The following KCNMA1 variants were observed in gnomAD, a reference collection of about 807,000 sequenced individuals.
KCNMA1 encodes the protein potassium calcium-activated channel subfamily M alpha 1.
KCNMA1 carries 29 observed loss-of-function variants against 140.0 expected under a neutral mutation model. The observed-to-expected ratio is 0.21, with a 90% CI of 0.15 to 0.28. The LOEUF (loss-of-function observed/expected upper bound fraction) is 0.28. KCNMA1 is among the 10% of genes least tolerant of loss of function. The probability of loss-of-function intolerance (pLI) is 1.00; values close to 1 mark genes in which losing one functional copy is unlikely to be tolerated. For synonymous variants in KCNMA1, 612 were observed against 611.9 expected (o/e 1.00, Z 0.00); for missense variants, 880 against 1,602.2 (o/e 0.55, Z 7.70).
chr10:77,096,549 T>C (rs542968655), intron 9 of KCNMA1, among the ~76,000 whole-genome samples: 4 of 152,324 alleles, frequency 2.6e-5, no homozygotes, highest in Non-Finnish European at 5.9e-5. Context: ...GATCTTTCTT[T>C]AGCAGAGCCT....
chr10:76,914,030 G>T, intron 24 of KCNMA1: 1 of 1,488,320 alleles, frequency 6.7e-7, no homozygotes, highest in Non-Finnish European at 9.2e-7. Flanking sequence ...AGGAGATACT[G>T]ATGTGAAGGA....
At chr10:77,165,752 T>C (rs1478948515) in intron 5 of KCNMA1, among the ~76,000 whole-genome samples, 1 of 152,224 alleles carries the variant, frequency 6.6e-6, no homozygotes, top group African/African-American at 2.4e-5. Flanking sequence ...GACATTTGTC[T>C]TCTTCAGTCT....
At chr10:77,383,026 ATATT>A (rs200702676) in intron 2 of KCNMA1, among the ~76,000 whole-genome samples, 3,021 of 120,452 alleles carry the variant, frequency 0.025, 22 homozygotes, top group East Asian at 0.032. Context: ...ATATATATAT[ATATT>A]CCAAGTGGAG....
intron 19 of KCNMA1, chr10:76,995,754 A>T (rs1371217097): frequency 2.2e-6 from 1 of 463,312 alleles, no homozygotes; most frequent in African/African-American, 2.0e-5. Flanking sequence ...GTCACCTTGC[A>T]TAAGGGCCTC....
intron 2 of KCNMA1, among the ~76,000 whole-genome samples, chr10:77,389,302 A>G (rs1338953652): frequency 1.3e-5 from 2 of 152,112 alleles, no homozygotes; most frequent in Non-Finnish European, 2.9e-5. Flanking sequence ...TGGCCACAGT[A>G]ATGTTTCCTC....
At chr10:77,003,598 G>A (rs189629612) in intron 18 of KCNMA1, among the ~76,000 whole-genome samples, 18 of 152,192 alleles carry the variant, frequency 1.2e-4, no homozygotes, top group Non-Finnish European at 1.5e-4. Context: ...TTGCTTCACC[G>A]TAGATAAATC....
At chr10:77,431,737 C>G (rs1371626522) in intron 1 of KCNMA1, among the ~76,000 whole-genome samples, 3 of 148,466 alleles carry the variant, frequency 2.0e-5, no homozygotes, top group African/African-American at 7.5e-5. Context: ...GTGGCTCACG[C>G]CTGTAATCCC....
intron 1 of KCNMA1, among the ~76,000 whole-genome samples, chr10:77,448,097 A>G (rs2097562087): frequency 6.6e-6 from 1 of 152,174 alleles, no homozygotes; most frequent in South Asian, 2.1e-4. Context: ...AGTTCTCAGA[A>G]ATAGATATCC....
chr10:77,090,684 G>T (rs1271298775), intron 9 of KCNMA1, 174 bp from the exon 10 acceptor site: 4 of 627,944 alleles, frequency 6.4e-6, no homozygotes, highest in Non-Finnish European at 1.1e-5. Context: ...AAGCAGCGGT[G>T]CTAGCAGGTG....
At chr10:77,476,108 T>A (rs2098272318) in intron 1 of KCNMA1, among the ~76,000 whole-genome samples, 1 of 152,190 alleles carries the variant, frequency 6.6e-6, no homozygotes, top group Non-Finnish European at 1.5e-5. Flanking sequence ...CCAGCGACTT[T>A]GAGCAGGAGA....
chr10:77,134,097 A>C (rs1441170596), intron 5 of KCNMA1, among the ~76,000 whole-genome samples: 3 of 152,144 alleles, frequency 2.0e-5, no homozygotes, highest in Non-Finnish European at 4.4e-5. Flanking sequence ...TTAAAAATTA[A>C]ATATAGATAA....
intron 1 of KCNMA1, among the ~76,000 whole-genome samples, chr10:77,454,200 G>GA (rs1228049819): frequency 6.6e-6 from 1 of 152,044 alleles, no homozygotes; most frequent in African/African-American, 2.4e-5. Context: ...AACCCATAAT[G>GA]AAAAAATAGT....
intron 23 of KCNMA1, among the ~76,000 whole-genome samples, chr10:76,931,819 C>T (rs988387046): frequency 1.1e-4 from 17 of 152,158 alleles, no homozygotes; most frequent in Admixed American, 6.6e-5. Flanking sequence ...TGTTAGTCTA[C>T]CTTACCTGGT....
At chr10:77,229,956 T>C (rs1407415673) in intron 3 of KCNMA1, among the ~76,000 whole-genome samples, 2 of 152,274 alleles carry the variant, frequency 1.3e-5, no homozygotes, top group South Asian at 2.1e-4. Flanking sequence ...CATATAAGAA[T>C]TGAAAACAGG....
At chr10:77,572,360 G>C (rs2071726873) in intron 1 of KCNMA1, among the ~76,000 whole-genome samples, 1 of 151,104 alleles carries the variant, frequency 6.6e-6, no homozygotes, top group African/African-American at 2.4e-5. Context: ...GCCCTCAAAA[G>C]TGCATTTTAT....
intron 20 of KCNMA1, among the ~76,000 whole-genome samples, chr10:76,960,618 G>GTTT (rs55685324): frequency 2.2e-4 from 13 of 59,300 alleles, no homozygotes; most frequent in Admixed American, 4.3e-4. Flanking sequence ...TTATGGTTTT[G>GTTT]TTTTTTTTTT....
At chr10:77,471,464 C>T (rs1423177881) in intron 1 of KCNMA1, among the ~76,000 whole-genome samples, 1 of 151,154 alleles carries the variant, frequency 6.6e-6, no homozygotes, top group East Asian at 1.9e-4. Flanking sequence ...CCATGCACCA[C>T]ACACGTAACA....
chr10:77,106,160 C>T (rs190202851), intron 9 of KCNMA1, among the ~76,000 whole-genome samples: 63 of 152,028 alleles, frequency 4.1e-4, no homozygotes, highest in Non-Finnish European at 7.9e-4. Flanking sequence ...GTGAACAGGC[C>T]CGGTGCTGAT....
chr10:77,308,524 G>C (rs1441289174), intron 2 of KCNMA1, among the ~76,000 whole-genome samples: 1 of 152,164 alleles, frequency 6.6e-6, no homozygotes, highest in African/African-American at 2.4e-5. Context: ...TGTGATTCCA[G>C]GTAATTCCTC....
Sources: allele counts gnomAD v4.1 joint callset (sites outside exome capture counted in the v4.1 genomes callset), GRCh38; gene constraint gnomAD v4.1.1; transcripts MANE v1.5; gene names NCBI Gene and HGNC (gene_info 2026-07-23, HGNC 2026-07-21).